The following CCDC181 variants were observed in gnomAD, a reference collection of about 807,000 sequenced individuals.
CCDC181 encodes the protein coiled-coil domain containing 181.
CCDC181 carries 35 observed loss-of-function variants against 58.7 expected under a neutral mutation model. The ratio of observed to expected loss-of-function variants is 0.60; its 90% CI spans 0.46 to 0.79. The LOEUF (loss-of-function observed/expected upper bound fraction) is 0.79. Among genes scored for constraint, CCDC181 ranks in the 30% least tolerant of loss-of-function variants. CCDC181 has a pLI of 0.00. For synonymous variants in CCDC181, 183 were observed against 197.5 expected, an observed-to-expected ratio of 0.93 and a Z score of 0.62; for missense variants, 517 against 583.9, an observed-to-expected ratio of 0.89 and a Z score of 1.18.
chr1:169,395,150 C>T lies in CCDC181; in HGVS notation c.1427G>A (p.Arg476Lys), dbSNP rs763243832. ...KMAEQQAVRERTRQLRLEAKR... is the reference protein window; with the variant it reads ...KMAEQQAVREKTRQLRLEAKR... Reference sequence around the variant, plus strand: ...AGCTTCTAGTCGGAGCTGTCTAGTTCTCTCTCTGACAGCTTGTTGCTCTGC... The same window carrying T: ...AGCTTCTAGTCGGAGCTGTCTAGTTTTCTCTCTGACAGCTTGTTGCTCTGC... The change falls in exon 6 of 6, where the codon AGA (arginine) becomes AAA (lysine). Residue 476 changes from arginine to lysine, a missense_variant. Coordinates refer to ENST00000367806, the MANE Select transcript of CCDC181 (RefSeq NM_001300969.2). The T allele has an allele frequency of 1.2e-5, 19 of 1,613,370 alleles. No homozygotes were observed. The highest frequency in any genetic ancestry group is 3.3e-4 in the Middle Eastern group (2 of 6,058).
chr1:169,416,352 C>T (rs1017596002), intron 4 of CCDC181, among the ~76,000 whole-genome samples: 5 of 152,140 alleles, frequency 3.3e-5, no homozygotes, highest in African/African-American at 9.7e-5. Context: ...CCTTGGTTGC[C>T]AGTGAAGGAT....
chr1:169,398,170 TA>T (rs1655153987), intron 4 of CCDC181, among the ~76,000 whole-genome samples: 1 of 152,164 alleles, frequency 6.6e-6, no homozygotes, highest in South Asian at 2.1e-4. Context: ...AATCGGGAGT[TA>T]TAGATCAAAA....
intron 4 of CCDC181, among the ~76,000 whole-genome samples, chr1:169,399,037 A>G (rs1330453737): frequency 1.3e-5 from 2 of 152,216 alleles, no homozygotes; most frequent in Non-Finnish European, 2.9e-5. Flanking sequence ...GTAGCTGAAG[A>G]GTGGAAGATG....
chr1:169,411,533 T>A (rs1043583746), intron 4 of CCDC181, among the ~76,000 whole-genome samples: 2 of 152,180 alleles, frequency 1.3e-5, no homozygotes, highest in Non-Finnish European at 2.9e-5. Flanking sequence ...ACCTAACTTA[T>A]TTTATGAGGC....
chr1:169,439,667 G>A (rs1420188335), intron 2 of CCDC181, among the ~76,000 whole-genome samples: 2 of 152,114 alleles, frequency 1.3e-5, no homozygotes, highest in Non-Finnish European at 2.9e-5. Flanking sequence ...GTGGAGTCAG[G>A]GTGACAGCCT....
chr1:169,404,572 T>A (rs1212864287), intron 4 of CCDC181, among the ~76,000 whole-genome samples: 1 of 152,176 alleles, frequency 6.6e-6, no homozygotes, highest in Non-Finnish European at 1.5e-5. Flanking sequence ...CATGATTATC[T>A]CAATAGATGC....
chr1:169,450,120 T>C lies in CCDC181; in HGVS notation c.-24+9677A>G, dbSNP rs564606564. ...TGGCCTGTGTCCCTGGGCTGTGACT[T>C]TTACAAGTGTTTCTTAGGTTCTCCC... On this transcript the variant is annotated intron_variant, in intron 2 of 6. Transcript: ENST00000545005. 3.3e-5 allele frequency among the ~76,000 whole-genome samples: 5 copies of C among 152,306 alleles called. 1 individual carries two copies. The highest frequency in any genetic ancestry group is 1.2e-4 in the African/African-American group (5 of 41,576).
intron 2 of CCDC181, among the ~76,000 whole-genome samples, chr1:169,448,021 C>T (rs1657428666): frequency 6.6e-6 from 1 of 151,970 alleles, no homozygotes; most frequent in East Asian, 1.9e-4. Context: ...CCAGAGTTTG[C>T]AATATATATT....
At chr1:169,398,807 A>G (rs774673407) in intron 4 of CCDC181, among the ~76,000 whole-genome samples, 5 of 152,184 alleles carry the variant, frequency 3.3e-5, no homozygotes, top group Non-Finnish European at 5.9e-5. Flanking sequence ...TAAGTGACTG[A>G]CTGATTGATT....
chr1:169,406,671 G>A (rs374842750), intron 4 of CCDC181, among the ~76,000 whole-genome samples: 4 of 151,916 alleles, frequency 2.6e-5, no homozygotes, highest in African/African-American at 7.3e-5. Context: ...AGCATTAAGC[G>A]ATATACCTAA....
At chr1:169,446,575 A>C (rs1360774346) in intron 2 of CCDC181, among the ~76,000 whole-genome samples, 1 of 152,220 alleles carries the variant, frequency 6.6e-6, no homozygotes, top group Non-Finnish European at 1.5e-5. Context: ...TGGGTTCTGC[A>C]TCTGCAGATT....
At chr1:169,418,870 T>C (rs1557868422) in intron 4 of CCDC181, 143 bp downstream of exon 4, 1 of 614,428 alleles carries the variant, frequency 1.6e-6, no homozygotes, top group Non-Finnish European at 2.9e-6. Flanking sequence ...GTTATCTGCA[T>C]GTTGCATCTT....
chr1:169,430,372 T>G (rs1356580972), upstream of CCDC181, among the ~76,000 whole-genome samples: 1 of 152,230 alleles, frequency 6.6e-6, no homozygotes, highest in South Asian at 2.1e-4. Context: ...GTTTGTAGAC[T>G]GCTTTTGGCA....
intron 2 of CCDC181, among the ~76,000 whole-genome samples, chr1:169,456,846 C>G (rs1391168522): frequency 6.6e-6 from 1 of 152,202 alleles, no homozygotes; most frequent in Non-Finnish European, 1.5e-5. Context: ...TGGACTCAGA[C>G]ATCTGGATTT....
intron 2 of CCDC181, among the ~76,000 whole-genome samples, chr1:169,447,767 T>A (rs1657415567): frequency 1.3e-5 from 2 of 152,226 alleles, no homozygotes; most frequent in African/African-American, 4.8e-5. Context: ...TCTATCTTGA[T>A]CATTTTCCTT....
In CCDC181 at chr1:169,436,310, G is replaced by A. The variant is rs573737206; in HGVS notation, c.-23-11360C>T. 9.2e-5 allele frequency among the ~76,000 whole-genome samples: 14 copies of A among 152,250 alleles called. No individual in the cohort carries two copies. In the South Asian group the frequency reaches 1.9e-3, roughly 20 times the overall value. On this transcript the variant is annotated intron_variant, in intron 2 of 6. Coordinates refer to the CCDC181 transcript ENST00000545005. ...AGTATAAGTTTCAGTGGAAACTTTC[G>A]TTCACAGATCAGGATTGTGTTAGTT...
At position 169,459,568 on chromosome 1, in the gene CCDC181, T is replaced by C. The variant is rs570276717; in HGVS notation, c.-24+229A>G. Among the ~76,000 whole-genome samples the C allele has an allele frequency of 2.0e-4, 31 of 151,920 alleles. No homozygotes were observed. In the East Asian group the frequency reaches 5.6e-3, roughly 28 times the overall value. On this transcript the variant is annotated intron_variant, in intron 2 of 6. Coordinates refer to the CCDC181 transcript ENST00000545005. The stretch of plus-strand genomic sequence containing the variant: ...AAAGGAGCCCAAAATGCAGAGAAAA[T>C]AGCAGGGTGAGGAGCACAGAATAAA...
chr1:169,449,656 A>G (rs1657477843), intron 2 of CCDC181, among the ~76,000 whole-genome samples: 1 of 152,010 alleles, frequency 6.6e-6, no homozygotes, highest in Admixed American at 6.5e-5. Flanking sequence ...CAAAAGCTGA[A>G]GAACTTGGAG....
chr1:169,401,692 A>T (rs932035600), intron 4 of CCDC181, among the ~76,000 whole-genome samples: 1 of 152,222 alleles, frequency 6.6e-6, no homozygotes, highest in African/African-American at 2.4e-5. Flanking sequence ...GACCACAAAG[A>T]TGGGGAGAAA....
Sources: gnomAD v4.1 joint callset for allele counts (sites outside exome capture counted in the v4.1 genomes callset) on GRCh38, gnomAD v4.1.1 for gene constraint, MANE v1.5 for transcripts, NCBI Gene and HGNC (gene_info 2026-07-23, HGNC 2026-07-21) for gene names.